PTPRN2: variants seen among roughly 807,000 people sequenced by gnomAD.
PTPRN2 encodes protein tyrosine phosphatase receptor type N2, also known as receptor-type tyrosine-protein phosphatase N2.
Under a neutral mutation model 118.8 loss-of-function variants are expected in PTPRN2, and 74 were observed. That is an observed-to-expected ratio of 0.62 (90% CI 0.52 to 0.76). The LOEUF (loss-of-function observed/expected upper bound fraction) is 0.76, where lower values mean the gene tolerates loss of function less well. Among genes scored for constraint, PTPRN2 ranks in the 30% least tolerant of loss-of-function variants. PTPRN2 has a pLI of 0.00. For missense variants in PTPRN2, 1,481 were observed against 1,394.4 expected, an observed-to-expected ratio of 1.06 and a Z score of -0.99; for synonymous variants, 641 against 608.0, an observed-to-expected ratio of 1.05 and a Z score of -0.80.
chr7:157,989,205 C>T (rs1280108913), intron 11 of PTPRN2, among the ~76,000 whole-genome samples: 1 of 152,080 alleles, frequency 6.6e-6, no homozygotes, highest in Non-Finnish European at 1.5e-5. Context: ...ATCACTTAAG[C>T]CCAGGAGTTT....
At chr7:158,153,192 G>A (rs1821374634) in intron 6 of PTPRN2, among the ~76,000 whole-genome samples, 1 of 152,180 alleles carries the variant, frequency 6.6e-6, no homozygotes, top group Non-Finnish European at 1.5e-5. Context: ...CGGACTCCAG[G>A]GGAAAATCAT....
intron 11 of PTPRN2, among the ~76,000 whole-genome samples, chr7:157,915,008 TGTG>T (rs1798317837): frequency 6.6e-6 from 1 of 152,178 alleles, no homozygotes; most frequent in African/African-American, 2.4e-5. Flanking sequence ...CTTCAAAAAT[TGTG>T]GTCTCTTTTA....
At position 157,587,837 on chromosome 7, in the gene PTPRN2, G is replaced by A. The variant is rs1381197852; in HGVS notation, c.2496+7401C>T. Among the ~76,000 whole-genome samples, 3 of 152,212 alleles carry A rather than the reference G, an allele frequency of 2.0e-5. No individual in the cohort carries two copies. Among genetic ancestry groups the A allele is most frequent in the East Asian group, 3.9e-4 (2 of 5,190 alleles). ...TCCCATACAGGGAGCCAGTTCCCAC[G>A]GTGGCTGTCCCCATGCCTGGGCTCC... On this transcript the variant is annotated intron_variant, in intron 17 of 22. Coordinates refer to ENST00000389418, the MANE Select transcript of PTPRN2 (RefSeq NM_002847.5). The surrounding 1 kb of genome is among the most constrained non-coding windows in gnomAD (Gnocchi z 5.3).
chr7:157,739,971 C>T (rs964282640), intron 12 of PTPRN2, among the ~76,000 whole-genome samples: 17 of 152,228 alleles, frequency 1.1e-4, no homozygotes, highest in Non-Finnish European at 1.5e-4. Context: ...TCAGGGAGAG[C>T]GGAATCACTG....
intron 16 of PTPRN2, among the ~76,000 whole-genome samples, chr7:157,602,758 G>A (rs1293624227): frequency 6.6e-6 from 1 of 152,234 alleles, no homozygotes; most frequent in African/African-American, 2.4e-5. Context: ...CAGCAGAGCC[G>A]AGAGCTGAGC....
chr7:157,893,020 C>G lies in PTPRN2; in HGVS notation c.1788+5653G>C, dbSNP rs916160399. Among the ~76,000 whole-genome samples, 1 of 152,164 alleles carries G rather than the reference C, an allele frequency of 6.6e-6. No homozygotes were observed. The highest frequency in any genetic ancestry group is 1.5e-5 in the Non-Finnish European group (1 of 68,050). ...CACGATGTCCGTGGGGTCAAGAGCTCGAGAAGAACCATCTTTTGAAATGTA... is the reference window on the plus strand; with the variant it reads ...CACGATGTCCGTGGGGTCAAGAGCTGGAGAAGAACCATCTTTTGAAATGTA... On this transcript the variant is annotated intron_variant, in intron 12 of 22. Transcript: ENST00000389418. This position sits in a 1 kb window ranked among gnomAD's most constrained non-coding sequence, Gnocchi z 4.0.
In PTPRN2 at chr7:157,794,097, C is replaced by T. The variant is rs1056727067; in HGVS notation, c.1788+104576G>A. Among the ~76,000 whole-genome samples the T allele has an allele frequency of 1.3e-5, 2 of 152,178 alleles. No homozygotes were observed. The highest frequency in any genetic ancestry group is 4.8e-5 in the African/African-American group (2 of 41,452). ...GGCCGGGAGGGGGCCGCCTGTGTCT[C>T]GCCCCTCATTCTCTGCTCTGACCCG... On this transcript the variant is annotated intron_variant, in intron 12 of 22. Coordinates refer to ENST00000389418, the MANE Select transcript of PTPRN2 (RefSeq NM_002847.5). The surrounding 1 kb of genome is among the most constrained non-coding windows in gnomAD (Gnocchi z 5.2).
At chr7:158,046,940 T>C (rs559349521) in intron 11 of PTPRN2, among the ~76,000 whole-genome samples, 1 of 152,338 alleles carries the variant, frequency 6.6e-6, no homozygotes, top group South Asian at 2.1e-4. Flanking sequence ...TATTTTTAAT[T>C]TAACCTTAAT....
intron 12 of PTPRN2, among the ~76,000 whole-genome samples, chr7:157,873,394 G>A (rs983687659): frequency 3.9e-5 from 6 of 152,344 alleles, no homozygotes; most frequent in East Asian, 3.9e-4. Flanking sequence ...GCCGCGCCCC[G>A]AGGCTTTGCT....
rs1321530338 is a variant in PTPRN2, at chr7:157,674,003, G to A, written c.2001+8722C>T. On this transcript the variant is annotated intron_variant, in intron 13 of 22. Transcript: ENST00000389418. The surrounding 1 kb of genome is among the most constrained non-coding windows in gnomAD (Gnocchi z 4.5). ...GAAGCGATAAGCTTTCTGAGAAAAC[G>A]CCTTCTGGGTCAGCTCCAAGTTCAG... 2.0e-5 allele frequency among the ~76,000 whole-genome samples: 3 copies of A among 152,142 alleles called. No individual in the cohort carries two copies. The highest frequency in any genetic ancestry group is 4.4e-5 in the Non-Finnish European group (3 of 68,030).
At chr7:158,581,596 T>C (rs1304981898) in intron 1 of PTPRN2, among the ~76,000 whole-genome samples, 2 of 152,236 alleles carry the variant, frequency 1.3e-5, no homozygotes, top group Non-Finnish European at 2.9e-5. Context: ...GTTCATCCCC[T>C]GTCACCTGCC....
chr7:157,720,710 G>A (rs540708990), intron 12 of PTPRN2, among the ~76,000 whole-genome samples: 146 of 152,330 alleles, frequency 9.6e-4, no homozygotes, highest in Non-Finnish European at 1.3e-3. Context: ...CAAGGATAAC[G>A]GCAAATGGTG....
intron 12 of PTPRN2, among the ~76,000 whole-genome samples, chr7:157,776,099 CCTCCTCT>C (rs1803201738): frequency 1.4e-5 from 2 of 141,774 alleles, no homozygotes; most frequent in South Asian, 4.7e-4. Context: ...CTCCTCTCCA[CCTCCTCT>C]CTCCTCTCCT....
intron 14 of PTPRN2, among the ~76,000 whole-genome samples, chr7:157,650,326 G>T (rs971283778): frequency 2.6e-5 from 4 of 152,242 alleles, no homozygotes; most frequent in Non-Finnish European, 5.9e-5. Flanking sequence ...GGGGGACTAT[G>T]TACCCCTCCA....
chr7:158,539,760 C>T (rs990277435), intron 1 of PTPRN2: 5 of 248,038 alleles, frequency 2.0e-5, no homozygotes, highest in Admixed American at 5.9e-5. Context: ...CAGCTGGAAC[C>T]GGACGGTGCA....
At chr7:158,142,993 G>A (rs1190470966) in intron 6 of PTPRN2, among the ~76,000 whole-genome samples, 1 of 152,154 alleles carries the variant, frequency 6.6e-6, no homozygotes, top group African/African-American at 2.4e-5. Flanking sequence ...AGAATCAGAA[G>A]AGCCATCTCA....
intron 11 of PTPRN2, among the ~76,000 whole-genome samples, chr7:157,994,556 A>AACG (rs375512738): frequency 0.75 from 83,450 of 111,278 alleles, 31,485 homozygotes; most frequent in East Asian, 0.82. Context: ...TAAAATCAGC[A>AACG]CCGCGTCCCC....
rs796119341 is a variant in PTPRN2, at chr7:157,629,678, G to A, written c.2197-8169C>T. Among the ~76,000 whole-genome samples, 4 of 152,360 alleles carry A rather than the reference G, an allele frequency of 2.6e-5. No individual in the cohort carries two copies. Among genetic ancestry groups the A allele is most frequent in the African/African-American group, 9.6e-5 (4 of 41,594 alleles). On this transcript the variant is annotated intron_variant, in intron 14 of 22. Transcript: ENST00000389418. The surrounding 1 kb of genome is among the most constrained non-coding windows in gnomAD (Gnocchi z 4.4). The stretch of plus-strand genomic sequence containing the variant: ...CGTTCCTACAACGATGCTGCCAGCA[G>A]TGGAGACTTCTTCCCACTGTAGAAC...
chr7:158,341,404 T>A (rs62493633), intron 2 of PTPRN2, among the ~76,000 whole-genome samples: 243 of 42,546 alleles, frequency 5.7e-3, no homozygotes, highest in Middle Eastern at 0.033. Context: ...ATAAGAGCTG[T>A]CGCCCGCAGA....
Sources: allele counts gnomAD v4.1 joint callset (sites outside exome capture counted in the v4.1 genomes callset), GRCh38; gene constraint gnomAD v4.1.1; non-coding constraint Gnocchi (gnomAD v3.1); transcripts MANE v1.5; gene names NCBI Gene and HGNC (gene_info 2026-07-23, HGNC 2026-07-21).